Variants in CARS2 observed in about 807,000 individuals in gnomAD.
CARS2 encodes cysteinyl-tRNA synthetase 2, mitochondrial, also known as probable cysteine--tRNA ligase, mitochondrial.
In CARS2, 52 loss-of-function variants were observed where a neutral mutation model predicts 68.8. That is an observed-to-expected ratio of 0.76 (90% CI 0.61 to 0.95). The LOEUF (loss-of-function observed/expected upper bound fraction) is 0.95. Among genes scored for constraint, CARS2 ranks in the 40% least tolerant of loss-of-function variants. The pLI is 0.00. For missense variants in CARS2, 780 were observed against 754.2 expected (o/e 1.03, Z -0.40); for synonymous variants, 314 against 303.6 (o/e 1.03, Z -0.36).
At chr13:110,681,674 C>T (rs970345159) in intron 6 of CARS2, among the ~76,000 whole-genome samples, 1 of 152,150 alleles carries the variant, frequency 6.6e-6, no homozygotes, top group African/African-American at 2.4e-5. Context: ...TCAGAAGCAG[C>T]GAAGATGCCC....
intron 1 of CARS2, chr13:110,712,537 G>GAA: frequency 3.2e-6 from 1 of 313,690 alleles, no homozygotes; most frequent in South Asian, 2.7e-5. Context: ...GGAAGGGGGG[G>GAA]GGCCGGCGCG....
chr13:110,710,339 G>A (rs777931648), upstream of CARS2, among the ~76,000 whole-genome samples: 1 of 152,092 alleles, frequency 6.6e-6, no homozygotes, highest in Non-Finnish European at 1.5e-5. Flanking sequence ...CTGAGATCAC[G>A]CCACTGCACT....
intron 3 of CARS2, among the ~76,000 whole-genome samples, chr13:110,693,780 G>A (rs577202573): frequency 6.6e-6 from 1 of 152,182 alleles, no homozygotes; most frequent in Non-Finnish European, 1.5e-5. Flanking sequence ...AGGTAGAAAG[G>A]CGCTAAAATG....
upstream of CARS2, among the ~76,000 whole-genome samples, chr13:110,708,353 A>C (rs1410183218): frequency 6.6e-6 from 1 of 152,236 alleles, no homozygotes; most frequent in African/African-American, 2.4e-5. Flanking sequence ...GCTCAGTTGC[A>C]ATCTGTGAGA....
Position 110,665,356 on chromosome 13 carries a change from G to A in CARS2, c.920-1838C>T. ...AGCTACTAGAACAGCTGAGGCAGGA[G>A]AATTGCTTGAACCCAGGAGGCAGAG... is the stretch of plus-strand genomic sequence containing the variant. On this transcript the variant is annotated intron_variant, in intron 8 of 14. Coordinates refer to ENST00000257347, the MANE Select transcript of CARS2 (RefSeq NM_024537.4). This position sits in a 1 kb window ranked among gnomAD's most constrained non-coding sequence, Gnocchi z 4.3. 1.3e-6 allele frequency: 1 copy of A among 752,592 alleles called. No individual in the cohort carries two copies. The highest frequency in any genetic ancestry group is 1.6e-6 in the Non-Finnish European group (1 of 617,320). The allele number at this position is 752,592 out of a possible 1,614,324, so 46.6% of individuals were successfully genotyped here. A position where few individuals can be genotyped will look rare whatever the true frequency, so the allele number is the denominator to read the frequency against.
At chr13:110,712,910 C>T (rs763227180) in intron 1 of CARS2, 1 of 1,536,126 alleles carries the variant, frequency 6.5e-7, no homozygotes, top group Non-Finnish European at 8.8e-7. Flanking sequence ...AAAGGGAGGG[C>T]GGTGACGGAT....
intron 7 of CARS2, among the ~76,000 whole-genome samples, chr13:110,674,200 G>GA (rs1197520078): frequency 1.3e-5 from 2 of 152,002 alleles, no homozygotes; most frequent in Non-Finnish European, 1.5e-5. Flanking sequence ...CACAGAATTG[G>GA]AAAAAACTAC....
rs1368240040 is a variant in CARS2, at chr13:110,647,385, C to T, written c.1055-146G>A. ...TGTGGCTCTCACGCCCTCCAGTGAC[C>T]GCGAGTCCCTAGGCCCACTGGACAC... On this transcript the variant is annotated intron_variant, in intron 10 of 14. Coordinates refer to ENST00000257347, the MANE Select transcript of CARS2 (RefSeq NM_024537.4). 5.0e-5 allele frequency: 49 copies of T among 975,210 alleles called. No individual in the cohort carries two copies. The East Asian group carries it at 9.6e-4, about 19-fold the overall frequency. 60.4% of individuals were successfully genotyped at this position (975,210 alleles called of 1,614,324 possible).
chr13:110,695,378 T>C (rs1265610353), intron 3 of CARS2, among the ~76,000 whole-genome samples: 2 of 152,174 alleles, frequency 1.3e-5, no homozygotes, highest in African/African-American at 4.8e-5. Flanking sequence ...AAAAGTAATC[T>C]AGATATGATT....
At chr13:110,656,130 C>A (rs1343245279) in intron 9 of CARS2, among the ~76,000 whole-genome samples, 1 of 152,090 alleles carries the variant, frequency 6.6e-6, no homozygotes, top group Non-Finnish European at 1.5e-5. Flanking sequence ...TGGTGAAACC[C>A]CATCTCCACT....
At chr13:110,712,803 C>T (rs765554645) in intron 1 of CARS2, 10 of 774,420 alleles carry the variant, frequency 1.3e-5, no homozygotes, top group African/African-American at 1.0e-4. Flanking sequence ...CCCCTCGGGC[C>T]TATCCACCTC....
At chr13:110,664,939 G>A in intron 8 of CARS2, 1 of 899,438 alleles carries the variant, frequency 1.1e-6, no homozygotes, top group Non-Finnish European at 1.3e-6. Context: ...ATTCATTGCT[G>A]TTGTTCATAA....
intron 5 of CARS2, among the ~76,000 whole-genome samples, chr13:110,683,856 A>C (rs1594359703): frequency 6.6e-6 from 1 of 152,252 alleles, no homozygotes; most frequent in East Asian, 1.9e-4. Context: ...ATCTCTACCA[A>C]AAAAAACACA....
At chr13:110,690,352 C>A (rs1219874013) in intron 3 of CARS2, among the ~76,000 whole-genome samples, 2 of 152,192 alleles carry the variant, frequency 1.3e-5, no homozygotes. Flanking sequence ...GCTTTCCTCC[C>A]AGAAGGAAAA....
intron 2 of CARS2, among the ~76,000 whole-genome samples, chr13:110,703,087 C>G (rs201509268): frequency 5.7e-4 from 87 of 152,296 alleles, no homozygotes; most frequent in African/African-American, 1.1e-3. Context: ...GCTCCTCCCC[C>G]CTAGCACCAA....
chr13:110,708,580 T>C (rs938186345), upstream of CARS2, among the ~76,000 whole-genome samples: 4 of 152,122 alleles, frequency 2.6e-5, no homozygotes, highest in African/African-American at 9.7e-5. Flanking sequence ...TTTTCTTTTT[T>C]TTTTTTGAGG....
chr13:110,710,497 T>A (rs1440850103), upstream of CARS2, among the ~76,000 whole-genome samples: 1 of 152,248 alleles, frequency 6.6e-6, no homozygotes, highest in Non-Finnish European at 1.5e-5. Flanking sequence ...TAAATGTTTC[T>A]TTTTAATCCA....
chr13:110,680,218 C>T (rs1566714543), intron 6 of CARS2, among the ~76,000 whole-genome samples: 1 of 151,726 alleles, frequency 6.6e-6, no homozygotes, highest in Admixed American at 6.6e-5. Flanking sequence ...ACGGCAAAAC[C>T]CCATCTCTAC....
chr13:110,663,388 G>T, intron 9 of CARS2, 63 bp downstream of exon 9: 1 of 1,498,930 alleles, frequency 6.7e-7, no homozygotes, highest in Non-Finnish European at 9.1e-7. Flanking sequence ...TGACACAGAA[G>T]CCTTTAAGAT....
Sources: allele counts gnomAD v4.1 joint callset (sites outside exome capture counted in the v4.1 genomes callset), GRCh38; gene constraint gnomAD v4.1.1; non-coding constraint Gnocchi (gnomAD v3.1); transcripts MANE v1.5; gene names NCBI Gene and HGNC (gene_info 2026-07-23, HGNC 2026-07-21).